Variants in C6orf89 observed in about 807,000 individuals in gnomAD.
C6orf89 encodes bombesin receptor-activated protein C6orf89.
In C6orf89, 29 loss-of-function variants were observed where a neutral mutation model predicts 40.7. The observed-to-expected ratio is 0.71, with a 90% CI of 0.53 to 0.97. The LOEUF is 0.97. Ranked by LOEUF, C6orf89 falls within the 50% of genes least tolerant of loss-of-function variation. The pLI is 0.00. For missense variants in C6orf89, 392 were observed against 429.1 expected (o/e 0.91, Z 0.76); for synonymous variants, 165 against 152.2 (o/e 1.08, Z -0.62).
intron 2 of C6orf89, among the ~76,000 whole-genome samples, chr6:36,895,351 T>C (rs1263309788): frequency 6.6e-6 from 1 of 152,326 alleles, no homozygotes; most frequent in East Asian, 1.9e-4. Flanking sequence ...TTATTGTTAG[T>C]ATGGCTCTTA....
chr6:36,914,556 G>A lies in C6orf89; in HGVS notation c.558G>A (p.Thr186=), dbSNP rs148257774. Residue 186 remains threonine (T), a splice_region_variant and synonymous_variant, in exon 6 of 9, where the codon ACG becomes ACA. Transcript: ENST00000480824. ...FERLHPLVIK[T]GKPLLEEEIQ... is the part of the protein sequence containing the mutation. Reference sequence around the variant, plus strand: ...GTTTTGTTTCCTGCCTTGCCAAGACGGGAAAGCCCCTGTTGGAGGAAGAGA... The same window carrying A: ...GTTTTGTTTCCTGCCTTGCCAAGACAGGAAAGCCCCTGTTGGAGGAAGAGA... 18 of 1,613,982 alleles carry A rather than the reference G, an allele frequency of 1.1e-5. No homozygotes were observed. The East Asian group carries it at 1.8e-4, about 16-fold the overall frequency.
In C6orf89 at chr6:36,914,557, G is replaced by A; in HGVS notation, c.559G>A (p.Gly187Arg). 2 of 1,614,060 alleles carry A rather than the reference G, an allele frequency of 1.2e-6. No individual in the cohort carries two copies. Among genetic ancestry groups the A allele is most frequent in the Non-Finnish European group, 1.7e-6 (2 of 1,179,880 alleles). The change falls in exon 6 of 9, where the codon GGA (glycine) becomes AGA (arginine). Residue 187 changes from glycine to arginine, a missense_variant. By Grantham distance (125) the Gly-to-Arg change is moderately radical (BLOSUM62 -2). Transcript: ENST00000480824. Reference protein sequence around the residue: ...ERLHPLVIKTGKPLLEEEIQH... With the variant: ...ERLHPLVIKTRKPLLEEEIQH... Reference sequence around the variant, plus strand: ...TTTTGTTTCCTGCCTTGCCAAGACGGGAAAGCCCCTGTTGGAGGAAGAGAT... The same window carrying A: ...TTTTGTTTCCTGCCTTGCCAAGACGAGAAAGCCCCTGTTGGAGGAAGAGAT...
intron 1 of C6orf89, among the ~76,000 whole-genome samples, chr6:36,872,853 A>G (rs981824903): frequency 2.0e-5 from 3 of 152,100 alleles, no homozygotes; most frequent in Non-Finnish European, 4.4e-5. Context: ...CAAGCAATCT[A>G]CCTGCCTTGG....
At chr6:36,893,135 T>C (rs1296268606) in intron 1 of C6orf89, among the ~76,000 whole-genome samples, 3 of 151,810 alleles carry the variant, frequency 2.0e-5, no homozygotes, top group East Asian at 1.9e-4. Context: ...GGGGTTTCAC[T>C]GTGTTAGCCA....
At chr6:36,916,697 C>A (rs1762336262) in intron 7 of C6orf89, 123 bp downstream of exon 7, 2 of 1,194,346 alleles carry the variant, frequency 1.7e-6, no homozygotes, top group Admixed American at 2.0e-5. Context: ...GAGGGGACAC[C>A]CACACAGTCT....
At chr6:36,922,074 C>T (rs879391551) in intron 8 of C6orf89, among the ~76,000 whole-genome samples, 1 of 152,186 alleles carries the variant, frequency 6.6e-6, no homozygotes, top group Non-Finnish European at 1.5e-5. Context: ...CGATGGCTCA[C>T]GCCTGTAATC....
At chr6:36,899,685 A>G (rs777092142) in intron 3 of C6orf89, 52 bp downstream of exon 3, 9 of 1,538,448 alleles carry the variant, frequency 5.9e-6, no homozygotes, top group East Asian at 2.3e-5. Flanking sequence ...AAACTGTTCA[A>G]CATTCTTCAC....
At chr6:36,878,027 A>G (rs1009818128) in intron 1 of C6orf89, among the ~76,000 whole-genome samples, 2 of 152,218 alleles carry the variant, frequency 1.3e-5, no homozygotes, top group African/African-American at 4.8e-5. Context: ...ACATCTCAAT[A>G]TTGCAGCTCT....
At chr6:36,892,915 A>T (rs1160692963) in intron 1 of C6orf89, 1 of 152,074 alleles carries the variant, frequency 6.6e-6, no homozygotes, top group African/African-American at 2.4e-5. Context: ...TGCTTGATGC[A>T]TAGTAATGAC....
chr6:36,917,611 C>T (rs1351063551), intron 7 of C6orf89, among the ~76,000 whole-genome samples: 3 of 152,268 alleles, frequency 2.0e-5, no homozygotes, highest in African/African-American at 7.2e-5. Flanking sequence ...TCCAAATTTG[C>T]TGAATTGTGT....
At chr6:36,907,052 C>T (rs554890670) in intron 4 of C6orf89, among the ~76,000 whole-genome samples, 37 of 152,154 alleles carry the variant, frequency 2.4e-4, no homozygotes, top group Non-Finnish European at 5.1e-4. Flanking sequence ...CTTCCTCCCT[C>T]CTTCTTTTCC....
At position 36,919,701 on chromosome 6, in the gene C6orf89, G is replaced by C. The variant is rs1052679823; in HGVS notation, c.949G>C (p.Gly317Arg). The change falls in exon 8 of 9, where the codon GGC (glycine) becomes CGC (arginine). Residue 317 changes from glycine (G) to arginine (R), a missense_variant and splice_region_variant. Physicochemically the swap from Gly to Arg is moderately radical, Grantham distance 125 (BLOSUM62 -2). Transcript: ENST00000480824. ...VAMPIEPGDIGYVDTTHWKVY... is the reference protein window; with the variant it reads ...VAMPIEPGDIRYVDTTHWKVY... ...CATGCCAATAGAGCCAGGGGATATCGGTATGTAGGGCCCCAGGAGGGCAGG... is the reference window on the plus strand; with the variant it reads ...CATGCCAATAGAGCCAGGGGATATCCGTATGTAGGGCCCCAGGAGGGCAGG... 1 of 1,608,556 alleles carries C rather than the reference G, an allele frequency of 6.2e-7. No individual in the cohort carries two copies. Among genetic ancestry groups the C allele is most frequent in the East Asian group, 2.2e-5 (1 of 44,794 alleles).
intron 2 of C6orf89, among the ~76,000 whole-genome samples, chr6:36,895,638 A>G (rs1761396045): frequency 6.6e-6 from 1 of 152,218 alleles, no homozygotes; most frequent in Non-Finnish European, 1.5e-5. Flanking sequence ...ACCTAGCATA[A>G]TGTTTTCAAG....
chr6:36,920,690 G>A (rs189943504), intron 8 of C6orf89, among the ~76,000 whole-genome samples: 4 of 152,326 alleles, frequency 2.6e-5, no homozygotes, highest in Admixed American at 2.6e-4. Context: ...GAGCACAGCT[G>A]GCCTGGCTCT....
At position 36,886,008 on chromosome 6, in the gene C6orf89, C is replaced by CG. The variant is rs1774967081; in HGVS notation, c.-139dup. 9.1e-7 allele frequency: 1 copy of CG among 1,102,810 alleles called. No homozygotes were observed. Among genetic ancestry groups the CG allele is most frequent in the African/African-American group, 4.1e-5 (1 of 24,378 alleles). 68.3% of individuals were successfully genotyped at this position (1,102,810 alleles called of 1,614,324 possible). On this transcript the variant is annotated 5_prime_UTR_variant, in exon 1 of 9. Coordinates refer to ENST00000480824, the MANE Select transcript of C6orf89 (RefSeq NM_001286635.2). Reference sequence around the variant, plus strand: ...AGCTGTCCCCGAGGCGGGAGGAGCCCGAGGGGCGCGAGCCCCGCATGTGAG... The same window carrying CG: ...AGCTGTCCCCGAGGCGGGAGGAGCCCGGAGGGGCGCGAGCCCCGCATGTGAG...
At chr6:36,888,954 G>T (rs1775094574) in intron 1 of C6orf89, among the ~76,000 whole-genome samples, 1 of 152,164 alleles carries the variant, frequency 6.6e-6, no homozygotes, top group African/African-American at 2.4e-5. Flanking sequence ...TTGGGTTATA[G>T]ACACATTACA....
rs1320356133 is a variant in C6orf89, at chr6:36,926,212, T to A, written c.*2771T>A. On this transcript the variant is annotated 3_prime_UTR_variant, in exon 9 of 9. Coordinates refer to ENST00000480824, the MANE Select transcript of C6orf89 (RefSeq NM_001286635.2). ...AAAAAGGCAGAGCTTATCCTCAATT[T>A]TTTTTAGGGAAGAGAAGGAATAAAA... is the stretch of plus-strand genomic sequence containing the variant. The A allele has an allele frequency of 6.6e-6, 1 of 152,194 alleles. No homozygotes were observed. Among genetic ancestry groups the A allele is most frequent in the Non-Finnish European group, 1.5e-5 (1 of 68,040 alleles). The allele number at this position is 152,194 out of a possible 1,614,324, so 9.4% of individuals were successfully genotyped here.
At chr6:36,916,916 A>G (rs1237132174) in intron 7 of C6orf89, among the ~76,000 whole-genome samples, 3 of 152,172 alleles carry the variant, frequency 2.0e-5, no homozygotes, top group Non-Finnish European at 4.4e-5. Context: ...TTAAATTAGA[A>G]AGTAGGCAAG....
chr6:36,904,035 CAGTT>C (rs1328362986), intron 4 of C6orf89, among the ~76,000 whole-genome samples: 1 of 152,092 alleles, frequency 6.6e-6, no homozygotes, highest in African/African-American at 2.4e-5. Context: ...AGAAACTTGT[CAGTT>C]AGGCCAGTCT....
Sources: allele counts gnomAD v4.1 joint callset (sites outside exome capture counted in the v4.1 genomes callset), GRCh38; gene constraint gnomAD v4.1.1; transcripts MANE v1.5; gene names NCBI Gene and HGNC (gene_info 2026-07-23, HGNC 2026-07-21).